FBN1: variants seen among roughly 807,000 people sequenced by gnomAD.
FBN1 encodes the protein fibrillin-1.
Under a neutral mutation model 365.1 loss-of-function variants are expected in FBN1, and 29 were observed. That is an observed-to-expected ratio of 0.08 (90% CI 0.06 to 0.11). FBN1 has a LOEUF of 0.11. FBN1 is among the 10% of genes least tolerant of loss of function. FBN1 has a pLI of 1.00. For missense variants in FBN1, 2,476 were observed against 3,703.2 expected (o/e 0.67, Z 8.60); for synonymous variants, 1,210 against 1,270.5 (o/e 0.95, Z 1.01).
chr15:48,623,173 GAGTACGA>G (rs1889801007), intron 2 of FBN1, among the ~76,000 whole-genome samples: 1 of 152,138 alleles, frequency 6.6e-6, no homozygotes, highest in African/African-American at 2.4e-5. Flanking sequence ...AGGCAATAGT[GAGTACGA>G]AGTACAATTA....
chr15:48,553,003 TA>T (rs1242116638), intron 6 of FBN1, among the ~76,000 whole-genome samples: 1 of 152,206 alleles, frequency 6.6e-6, no homozygotes, highest in East Asian at 1.9e-4. Flanking sequence ...TCATCTCCGT[TA>T]ATCCACTGTT....
intron 2 of FBN1, among the ~76,000 whole-genome samples, chr15:48,640,261 C>T (rs1435393975): frequency 6.6e-6 from 1 of 152,026 alleles, no homozygotes; most frequent in African/African-American, 2.4e-5. Flanking sequence ...TTTGTCTCTA[C>T]CTTCTTGTTT....
At chr15:48,452,163 C>T (rs546492309) in intron 45 of FBN1, among the ~76,000 whole-genome samples, 15 of 152,094 alleles carry the variant, frequency 9.9e-5, no homozygotes, top group Non-Finnish European at 1.6e-4. Flanking sequence ...ATGGTGAAAA[C>T]CTCACCTTTC....
chr15:48,513,687 T>C lies in FBN1; in HGVS notation c.1469-19A>G. ...TCAACATCTGCAAAGCACAATGTAT[T>C]TTAGTGCAAAATTACATAGCAATAC... On this transcript the variant is annotated intron_variant, in intron 12 of 65. Coordinates refer to ENST00000316623, the MANE Select transcript of FBN1 (RefSeq NM_000138.5). 1.2e-6 allele frequency: 2 copies of C among 1,613,728 alleles called. No individual in the cohort carries two copies. The highest frequency in any genetic ancestry group is 1.7e-6 in the Non-Finnish European group (2 of 1,179,792).
Position 48,593,891 on chromosome 15 carries a change from T to TC in FBN1, c.538+2391_538+2392insG, listed in dbSNP as rs548403098. On this transcript the variant is annotated intron_variant, in intron 6 of 65. Transcript: ENST00000316623. Reference sequence around the variant, plus strand: ...AGTAAAGGCCTCCCGGATCTGCACTTTAAAAAATAAACATCACATCCCAGT... The same window carrying TC: ...AGTAAAGGCCTCCCGGATCTGCACTTCTAAAAAATAAACATCACATCCCAGT... 2.4e-3 allele frequency among the ~76,000 whole-genome samples: 372 copies of TC among 152,196 alleles called. 1 individual carries two copies. The highest frequency in any genetic ancestry group is 8.6e-3 in the African/African-American group (357 of 41,514).
chr15:48,633,658 T>C (rs1218035408), intron 2 of FBN1, among the ~76,000 whole-genome samples: 1 of 152,152 alleles, frequency 6.6e-6, no homozygotes, highest in East Asian at 1.9e-4. Context: ...GTATCACCCC[T>C]TCAGGGCTGA....
chr15:48,473,611 T>C (rs12904567), intron 34 of FBN1, among the ~76,000 whole-genome samples: 2 of 152,166 alleles, frequency 1.3e-5, no homozygotes, highest in African/African-American at 4.8e-5. Context: ...ATGAATTCCA[T>C]AGCAGGTTTG....
At chr15:48,612,059 T>C (rs1005255712) in intron 3 of FBN1, among the ~76,000 whole-genome samples, 3 of 152,218 alleles carry the variant, frequency 2.0e-5, no homozygotes, top group African/African-American at 7.2e-5. Context: ...AGGGTTCTAT[T>C]ATAAAGTTCA....
At chr15:48,429,944 T>C (rs904070726) in intron 56 of FBN1, among the ~76,000 whole-genome samples, 6 of 152,368 alleles carry the variant, frequency 3.9e-5, no homozygotes, top group African/African-American at 1.4e-4. Context: ...CAGGAAACTT[T>C]TTGTTAGGGT....
chr15:48,431,330 G>T (rs2043021600), intron 55 of FBN1, among the ~76,000 whole-genome samples: 2 of 151,586 alleles, frequency 1.3e-5, no homozygotes, highest in South Asian at 4.2e-4. Context: ...CAAACTCCTG[G>T]CCTCAAGTGA....
At chr15:48,554,823 T>A (rs185415963) in intron 6 of FBN1, among the ~76,000 whole-genome samples, 1 of 152,332 alleles carries the variant, frequency 6.6e-6, no homozygotes, top group Non-Finnish European at 1.5e-5. Context: ...ATTATTTACT[T>A]TCTGATCCAC....
chr15:48,557,555 C>T (rs145831843), intron 6 of FBN1, among the ~76,000 whole-genome samples: 10 of 152,250 alleles, frequency 6.6e-5, no homozygotes, highest in East Asian at 5.8e-4. Flanking sequence ...GCTGAGCAAG[C>T]GCCATTCAAG....
At chr15:48,627,589 G>A (rs1889907996) in intron 2 of FBN1, among the ~76,000 whole-genome samples, 1 of 152,178 alleles carries the variant, frequency 6.6e-6, no homozygotes, top group African/African-American at 2.4e-5. Context: ...ACCCGGCTTA[G>A]GAAGACAATG....
chr15:48,645,175 C>T (rs576723078), intron 1 of FBN1, among the ~76,000 whole-genome samples: 17 of 152,366 alleles, frequency 1.1e-4, no homozygotes, highest in African/African-American at 3.8e-4. Flanking sequence ...GCCAGAAGAG[C>T]GCGGCGCAAA....
At position 48,445,422 on chromosome 15, in the gene FBN1, C is replaced by T. The variant is rs1203749556; in HGVS notation, c.5871G>A (p.Gln1957=). The T allele has an allele frequency of 6.2e-7, 1 of 1,612,830 alleles. No homozygotes were observed. The highest frequency in any genetic ancestry group is 8.5e-7 in the Non-Finnish European group (1 of 1,179,202). Residue 1957 remains glutamine, a synonymous_variant, in exon 48 of 66, where the codon CAG becomes CAA. Transcript: ENST00000316623. ...CINTVGSFQC[Q]CNEGYEVAPD... is the part of the protein sequence containing the mutation. ...GAGCCACCTCATAGCCTTCATTGCACTGGCACTGGAAAGACCCCACTGTAT... is the reference window on the plus strand; with the variant it reads ...GAGCCACCTCATAGCCTTCATTGCATTGGCACTGGAAAGACCCCACTGTAT...
chr15:48,596,464 A>G lies in FBN1; in HGVS notation c.443-86T>C. The G allele has an allele frequency of 7.8e-6, 10 of 1,276,934 alleles. No homozygotes were observed. The South Asian group carries it at 1.2e-4, about 15-fold the overall frequency. The allele number at this position is 1,276,934 out of a possible 1,614,324, so 79.1% of individuals were successfully genotyped here. On this transcript the variant is annotated intron_variant, in intron 5 of 65. Coordinates refer to ENST00000316623, the MANE Select transcript of FBN1 (RefSeq NM_000138.5). ...CTTGTGGTCCTCTGGAAGGACAACAATAAAATGTCTAAAGTCACCCTGGTG... is the reference window on the plus strand; with the variant it reads ...CTTGTGGTCCTCTGGAAGGACAACAGTAAAATGTCTAAAGTCACCCTGGTG...
At chr15:48,449,255 T>G (rs955181240) in intron 45 of FBN1, among the ~76,000 whole-genome samples, 1 of 152,240 alleles carries the variant, frequency 6.6e-6, no homozygotes, top group African/African-American at 2.4e-5. Context: ...AGTTAAGATT[T>G]GGTGCCTTAA....
intron 6 of FBN1, among the ~76,000 whole-genome samples, chr15:48,573,982 C>T (rs980534707): frequency 7.2e-5 from 11 of 152,222 alleles, no homozygotes; most frequent in Admixed American, 7.2e-4. Context: ...GAGGGTTAGG[C>T]CTCTTTAGCC....
At chr15:48,539,644 G>A (rs561785868) in intron 6 of FBN1, among the ~76,000 whole-genome samples, 7 of 152,054 alleles carry the variant, frequency 4.6e-5, no homozygotes, top group Non-Finnish European at 8.8e-5. Flanking sequence ...TATGCAAACA[G>A]GTCAAAAATT....
Sources: allele counts gnomAD v4.1 joint callset (sites outside exome capture counted in the v4.1 genomes callset), GRCh38; gene constraint gnomAD v4.1.1; transcripts MANE v1.5; gene names NCBI Gene and HGNC (gene_info 2026-07-23, HGNC 2026-07-21).